The following ZNF407 variants were observed in gnomAD, a reference collection of about 807,000 sequenced individuals.
ZNF407 encodes zinc finger protein 407.
A neutral mutation model predicts 131.2 loss-of-function variants in ZNF407; 17 were observed. The ratio of observed to expected loss-of-function variants is 0.13; its 90% CI spans 0.09 to 0.19. The LOEUF is 0.19. Ranked by LOEUF, ZNF407 falls within the 10% of genes least tolerant of loss-of-function variation. ZNF407 has a pLI of 1.00. For synonymous variants in ZNF407, 1,156 were observed against 1,062.0 expected, an observed-to-expected ratio of 1.09 and a Z score of -1.72; for missense variants, 2,681 against 2,830.6, an observed-to-expected ratio of 0.95 and a Z score of 1.20.
chr18:74,965,120 G>T (rs1216502895), intron 8 of ZNF407, among the ~76,000 whole-genome samples: 1 of 152,146 alleles, frequency 6.6e-6, no homozygotes, highest in African/African-American at 2.4e-5. Context: ...GGAGAGTGAA[G>T]CATGCATCCC....
chr18:74,977,493 T>G (rs1414748485), intron 8 of ZNF407, among the ~76,000 whole-genome samples: 1 of 152,200 alleles, frequency 6.6e-6, no homozygotes, highest in Admixed American at 6.5e-5. Flanking sequence ...CTCACACACG[T>G]TTTCACATCA....
intron 8 of ZNF407, among the ~76,000 whole-genome samples, chr18:74,956,817 T>C (rs76741608): frequency 0.011 from 1,651 of 152,316 alleles, 33 homozygotes; most frequent in African/African-American, 0.037. Context: ...AGCATTGGTC[T>C]TCAGGTTGCA....
intron 7 of ZNF407, among the ~76,000 whole-genome samples, chr18:74,911,078 A>G (rs986661253): frequency 6.6e-6 from 1 of 152,218 alleles, no homozygotes; most frequent in Non-Finnish European, 1.5e-5. Context: ...TGTATTATGA[A>G]TGTGTATATG....
rs1408569870 is a variant in ZNF407 at position 74,635,932 on chromosome 18, T to G, written c.4687+226T>G. On this transcript the variant is annotated intron_variant, in intron 2 of 8. Transcript: ENST00000299687. This position sits in a 1 kb window ranked among gnomAD's most constrained non-coding sequence, Gnocchi z 4.7. ...GGCAGGTTAGCTGACAAGTTTCTTT[T>G]AATTTTGTCAAAAAGCCTAGTCCCT... 6.6e-6 allele frequency among the ~76,000 whole-genome samples: 1 copy of G among 152,198 alleles called. No individual in the cohort carries two copies. The highest frequency in any genetic ancestry group is 1.9e-4 in the East Asian group (1 of 5,196).
intron 1 of ZNF407, among the ~76,000 whole-genome samples, chr18:74,624,682 T>G (rs1430922531): frequency 5.9e-5 from 9 of 152,334 alleles, no homozygotes; most frequent in Non-Finnish European, 1.0e-4. Context: ...GTCGACCAGC[T>G]GCCAGTTTTC....
chr18:74,752,105 G>A (rs1183596231), intron 3 of ZNF407, among the ~76,000 whole-genome samples: 3 of 152,142 alleles, frequency 2.0e-5, no homozygotes, highest in Non-Finnish European at 2.9e-5. Context: ...GTTTTGATTT[G>A]CATTTCTCTG....
chr18:74,918,699 C>T (rs889717761), intron 7 of ZNF407, among the ~76,000 whole-genome samples: 1 of 151,954 alleles, frequency 6.6e-6, no homozygotes, highest in African/African-American at 2.4e-5. Context: ...ATCTGTTGTT[C>T]TAGTCCTTTT....
At chr18:75,050,782 A>G (rs952967221) in intron 8 of ZNF407, among the ~76,000 whole-genome samples, 8 of 152,172 alleles carry the variant, frequency 5.3e-5, no homozygotes, top group African/African-American at 1.9e-4. Context: ...AAGATAATCT[A>G]CAGTAAAGGT....
At chr18:75,015,012 A>G (rs1973026274) in intron 8 of ZNF407, among the ~76,000 whole-genome samples, 1 of 152,108 alleles carries the variant, frequency 6.6e-6, no homozygotes, top group African/African-American at 2.4e-5. Context: ...TTCAATTGAA[A>G]CAGTAGATTA....
At chr18:74,684,922 A>T (rs535277288) in intron 3 of ZNF407, among the ~76,000 whole-genome samples, 1 of 152,236 alleles carries the variant, frequency 6.6e-6, no homozygotes, top group African/African-American at 2.4e-5. Flanking sequence ...CACTTTCTTC[A>T]CCAGTTTATT....
chr18:74,808,309 C>T (rs1259966561), intron 4 of ZNF407, among the ~76,000 whole-genome samples: 3 of 152,140 alleles, frequency 2.0e-5, no homozygotes, highest in Non-Finnish European at 2.9e-5. Flanking sequence ...CCACCACGCC[C>T]GGCCAGCACT....
chr18:74,736,861 A>G lies in ZNF407; in HGVS notation c.4803-44567A>G, dbSNP rs370793502. 4.6e-5 allele frequency among the ~76,000 whole-genome samples: 7 copies of G among 152,188 alleles called. No homozygotes were observed. The East Asian group carries it at 7.7e-4, about 17-fold the overall frequency. On this transcript the variant is annotated intron_variant, in intron 3 of 8. Transcript: ENST00000299687. ...ATAGTGATGGGTCCTATTAGCTGTC[A>G]TTATCCTTCTATTCTCATTAGGAGA... is the stretch of plus-strand genomic sequence containing the variant.
intron 5 of ZNF407, among the ~76,000 whole-genome samples, chr18:74,879,720 T>A (rs1447829384): frequency 1.3e-5 from 2 of 152,200 alleles, no homozygotes; most frequent in Non-Finnish European, 1.5e-5. Context: ...AGCCTTATTT[T>A]TAAAATGATA....
intron 3 of ZNF407, among the ~76,000 whole-genome samples, chr18:74,688,392 A>T (rs1191705799): frequency 1.3e-5 from 2 of 152,240 alleles, no homozygotes; most frequent in African/African-American, 4.8e-5. Context: ...CTATGGGAAC[A>T]TCTCAGCTCT....
In ZNF407 at chr18:74,634,564, A is replaced by G; in HGVS notation, c.3545A>G (p.Glu1182Gly). The stretch of plus-strand genomic sequence containing the variant: ...AAGGATAAAGTTAGGAAACCTGAGG[A>G]GATGATGTCACTTACTATGTCCTCA... ...PVKDKVRKPE[E>G]MMSLTMSSNY... Residue 1182 changes from glutamate (E) to glycine (G), a missense_variant, in exon 2 of 9, where the codon GAG becomes GGG. Glu to Gly is a moderately conservative substitution (Grantham distance 98). Around this residue, in one of 6 missense-constraint regions of ZNF407, gnomAD observed 1,789 missense variants for 1,748.7 expected, o/e 1.02. Coordinates refer to ENST00000299687, the MANE Select transcript of ZNF407 (RefSeq NM_017757.3). 6.2e-7 allele frequency: 1 copy of G among 1,613,890 alleles called. No homozygotes were observed. The highest frequency in any genetic ancestry group is 8.5e-7 in the Non-Finnish European group (1 of 1,179,880).
rs746492857 is a variant in ZNF407, at chr18:74,631,716, C to G, written c.697C>G (p.His233Asp). The change falls in exon 2 of 9, where the codon CAT (histidine) becomes GAT (aspartate). Residue 233 changes from histidine (H) to aspartate (D), a missense_variant. Physicochemically the swap from His to Asp is moderately conservative, Grantham distance 81. This residue lies in a region of ZNF407 where 1,789 missense variants were observed against 1,748.7 expected (regional missense o/e 1.02). Coordinates refer to ENST00000299687, the MANE Select transcript of ZNF407 (RefSeq NM_017757.3). Reference sequence around the variant, plus strand: ...AGAGAGCAGCTCAGCACTACATATGCATATCAAACAAGCACATGGGCCACA... The same window carrying G: ...AGAGAGCAGCTCAGCACTACATATGGATATCAAACAAGCACATGGGCCACA... ...KAESSSALHM[H>D]IKQAHGPQKV... is the part of the protein sequence containing the mutation. 5.6e-6 allele frequency: 9 copies of G among 1,613,998 alleles called. No homozygotes were observed. Among genetic ancestry groups the G allele is most frequent in the Non-Finnish European group, 7.6e-6 (9 of 1,179,898 alleles).
intron 4 of ZNF407, among the ~76,000 whole-genome samples, chr18:74,797,769 G>T (rs570451252): frequency 6.6e-6 from 1 of 151,906 alleles, no homozygotes; most frequent in South Asian, 2.1e-4. Flanking sequence ...TGCTATTGGT[G>T]CCTTTAGTGT....
At chr18:74,762,932 T>C (rs1969129692) in intron 3 of ZNF407, among the ~76,000 whole-genome samples, 2 of 151,964 alleles carry the variant, frequency 1.3e-5, no homozygotes, top group Admixed American at 1.3e-4. Flanking sequence ...TGTATGGCCA[T>C]AGCCCTACAT....
At chr18:74,827,860 G>C (rs1970429693) in intron 4 of ZNF407, among the ~76,000 whole-genome samples, 1 of 152,176 alleles carries the variant, frequency 6.6e-6, no homozygotes, top group African/African-American at 2.4e-5. Context: ...TTCCAATTCT[G>C]ATCCGACCTC....
Sources: allele counts gnomAD v4.1 joint callset (sites outside exome capture counted in the v4.1 genomes callset), GRCh38; gene constraint gnomAD v4.1.1; regional missense constraint gnomAD v4.1.1; non-coding constraint Gnocchi (gnomAD v3.1); transcripts MANE v1.5; gene names NCBI Gene and HGNC (gene_info 2026-07-23, HGNC 2026-07-21).